Variants in APCDD1 observed in about 807,000 individuals in gnomAD.
APCDD1 encodes the protein APC down-regulated 1.
APCDD1 carries 15 observed loss-of-function variants against 38.1 expected under a neutral mutation model. That is an observed-to-expected ratio of 0.39 (90% CI 0.26 to 0.61). The LOEUF (loss-of-function observed/expected upper bound fraction) is 0.61. Among genes scored for constraint, APCDD1 ranks in the 20% least tolerant of loss-of-function variants. APCDD1 has a pLI of 0.49. For missense variants in APCDD1, 647 were observed against 696.2 expected (o/e 0.93, Z 0.79); for synonymous variants, 261 against 279.7 (o/e 0.93, Z 0.67).
intron 1 of APCDD1, among the ~76,000 whole-genome samples, chr18:10,460,197 T>G (rs969169202): frequency 6.6e-6 from 1 of 152,240 alleles, no homozygotes; most frequent in Non-Finnish European, 1.5e-5. Flanking sequence ...GTGGAATATA[T>G]TCATCTAGAT....
chr18:10,456,858 G>A (rs969257809), intron 1 of APCDD1, among the ~76,000 whole-genome samples: 1 of 152,224 alleles, frequency 6.6e-6, no homozygotes, highest in Non-Finnish European at 1.5e-5. Flanking sequence ...CATGGTGTTG[G>A]GAGGGGGATT....
At chr18:10,483,239 G>A (rs1032326075) in intron 3 of APCDD1, among the ~76,000 whole-genome samples, 10 of 152,204 alleles carry the variant, frequency 6.6e-5, no homozygotes, top group African/African-American at 2.4e-4. Flanking sequence ...TCATGCAGGA[G>A]CTCATCTCCA....
Position 10,466,747 on chromosome 18 carries a change from A to G in APCDD1, c.59-1722A>G, listed in dbSNP as rs557583077. On this transcript the variant is annotated intron_variant, in intron 1 of 4. Coordinates refer to ENST00000355285, the MANE Select transcript of APCDD1 (RefSeq NM_153000.5). ...CCTGGCTTAATAACCATGACCATGA[A>G]TAATAACAACACTAGGCAGAGTTTT... is the stretch of plus-strand genomic sequence containing the variant. 2.6e-5 allele frequency among the ~76,000 whole-genome samples: 4 copies of G among 152,358 alleles called. 1 individual carries two copies. Among genetic ancestry groups the G allele is most frequent in the African/African-American group, 9.6e-5 (4 of 41,590 alleles).
At chr18:10,480,669 C>T (rs1011919584) in intron 3 of APCDD1, among the ~76,000 whole-genome samples, 1 of 151,498 alleles carries the variant, frequency 6.6e-6, no homozygotes, top group Non-Finnish European at 1.5e-5. Flanking sequence ...TGAGACCAGC[C>T]TGGGCAACAT....
At chr18:10,465,598 A>T (rs1321255212) in intron 1 of APCDD1, among the ~76,000 whole-genome samples, 1 of 152,216 alleles carries the variant, frequency 6.6e-6, no homozygotes, top group Non-Finnish European at 1.5e-5. Context: ...ATGCCCAAAA[A>T]ATATAAGGCA....
Position 10,470,621 on chromosome 18 carries a change from T to C in APCDD1, c.243-909T>C, listed in dbSNP as rs76397009. Reference sequence around the variant, plus strand: ...TGAGAGCAGAGTGGGAAGGCCAGAATTGATGAGCTGAAAGTCATGGCGTAA... The same window carrying C: ...TGAGAGCAGAGTGGGAAGGCCAGAACTGATGAGCTGAAAGTCATGGCGTAA... On this transcript the variant is annotated intron_variant, in intron 2 of 4. Transcript: ENST00000355285. This position sits in a 1 kb window ranked among gnomAD's most constrained non-coding sequence, Gnocchi z 4.1. Among the ~76,000 whole-genome samples, 1,136 of 152,304 alleles carry C rather than the reference T, an allele frequency of 7.5e-3. 13 individuals carry two copies. Among genetic ancestry groups the C allele is most frequent in the African/African-American group, 0.026 (1,085 of 41,566 alleles).
Position 10,466,511 on chromosome 18 carries a change from G to T in APCDD1, c.59-1958G>T, listed in dbSNP as rs1299228453. 2.0e-5 allele frequency among the ~76,000 whole-genome samples: 3 copies of T among 152,204 alleles called. No homozygotes were observed. In the South Asian group the frequency reaches 6.2e-4, roughly 31 times the overall value. On this transcript the variant is annotated intron_variant, in intron 1 of 4. Coordinates refer to ENST00000355285, the MANE Select transcript of APCDD1 (RefSeq NM_153000.5). ...TAAAGGGACATGGTCCTCACCCCCTGGGGGAGCTGATCAAAATGCATGTGC... is the reference window on the plus strand; with the variant it reads ...TAAAGGGACATGGTCCTCACCCCCTTGGGGAGCTGATCAAAATGCATGTGC...
At position 10,476,759 on chromosome 18, in the gene APCDD1, T is replaced by C. The variant is rs147489914; in HGVS notation, c.774+4698T>C. On this transcript the variant is annotated intron_variant, in intron 3 of 4. Transcript: ENST00000355285. This position sits in a 1 kb window ranked among gnomAD's most constrained non-coding sequence, Gnocchi z 5.8. ...ATCTGAAATACTCGATCCCAGCACA[T>C]GTACAGCAGGGGAGCTACACACGGG... 259 of 152,280 alleles carry C rather than the reference T, an allele frequency of 1.7e-3. No homozygotes were observed. The highest frequency in any genetic ancestry group is 5.9e-3 in the African/African-American group (245 of 41,560). 9.4% of individuals were successfully genotyped at this position (152,280 alleles called of 1,614,324 possible).
At chr18:10,461,981 C>G (rs1458672255) in intron 1 of APCDD1, among the ~76,000 whole-genome samples, 1 of 152,158 alleles carries the variant, frequency 6.6e-6, no homozygotes. Context: ...ATTCCAATAC[C>G]TTTCTATCCA....
intron 3 of APCDD1, among the ~76,000 whole-genome samples, chr18:10,484,589 C>G (rs75200280): frequency 0.014 from 2,106 of 152,206 alleles, 50 homozygotes; most frequent in African/African-American, 0.046. Context: ...TTGTCCCCCC[C>G]TTCCAGCTCC....
At chr18:10,480,405 G>T (rs1432226634) in intron 3 of APCDD1, among the ~76,000 whole-genome samples, 1 of 152,212 alleles carries the variant, frequency 6.6e-6, no homozygotes, top group Non-Finnish European at 1.5e-5. Flanking sequence ...CTGTAGTTGT[G>T]CCTGTAGGTC....
chr18:10,484,244 G>C (rs539594425), intron 3 of APCDD1, among the ~76,000 whole-genome samples: 2 of 152,224 alleles, frequency 1.3e-5, no homozygotes, highest in African/African-American at 4.8e-5. Flanking sequence ...GGCAGTGTGC[G>C]CGTGTGCTTG....
rs1397641235 is a variant in APCDD1 at position 10,467,784 on chromosome 18, G to A, written c.59-685G>A. Among the ~76,000 whole-genome samples, 1 of 152,216 alleles carries A rather than the reference G, an allele frequency of 6.6e-6. No individual in the cohort carries two copies. The stretch of plus-strand genomic sequence containing the variant: ...CACCACGTCCCTATTGTAGGAGGGT[G>A]CAAGGTTCACACCACGTGGTGAGCA... On this transcript the variant is annotated intron_variant, in intron 1 of 4. Coordinates refer to ENST00000355285, the MANE Select transcript of APCDD1 (RefSeq NM_153000.5). The surrounding 1 kb of genome is among the most constrained non-coding windows in gnomAD (Gnocchi z 4.8).
At chr18:10,474,027 T>G (rs1273328888) in intron 3 of APCDD1, 1 of 150,832 alleles carries the variant, frequency 6.6e-6, no homozygotes, top group African/African-American at 2.5e-5. Context: ...CGGGTTCAAG[T>G]GATTCTCCTG....
At chr18:10,483,985 G>A (rs577128900) in intron 3 of APCDD1, among the ~76,000 whole-genome samples, 2 of 152,218 alleles carry the variant, frequency 1.3e-5, no homozygotes, top group Non-Finnish European at 1.5e-5. Context: ...CTGGCACTGT[G>A]TTCAAGCACC....
chr18:10,480,328 C>T (rs2031104915), intron 3 of APCDD1, among the ~76,000 whole-genome samples: 2 of 152,100 alleles, frequency 1.3e-5, no homozygotes, highest in Admixed American at 1.3e-4. Flanking sequence ...ATACTGTTTC[C>T]GAAAAACATC....
chr18:10,480,507 G>A (rs965739988), intron 3 of APCDD1, among the ~76,000 whole-genome samples: 2 of 152,068 alleles, frequency 1.3e-5, no homozygotes, highest in African/African-American at 2.4e-5. Context: ...CTTATTCAAC[G>A]GTAGCTAAAA....
In APCDD1 at chr18:10,487,944, T is replaced by C. The variant is rs768717719; in HGVS notation, c.1451T>C (p.Leu484Pro). 3.1e-6 allele frequency: 5 copies of C among 1,613,650 alleles called. No homozygotes were observed. The highest frequency in any genetic ancestry group is 1.3e-5 in the African/African-American group (1 of 75,036). Residue 484 changes from leucine (L) to proline (P), a missense_variant, in exon 5 of 5, where the codon CTG becomes CCG. Leu to Pro is a moderately conservative substitution (Grantham distance 98). Coordinates refer to ENST00000355285, the MANE Select transcript of APCDD1 (RefSeq NM_153000.5). ...CTCGCAGAAGACAGTGGAAGCAGCCTGTATGGCCGGGCCCCTGGGAGGCAC... is the reference window on the plus strand; with the variant it reads ...CTCGCAGAAGACAGTGGAAGCAGCCCGTATGGCCGGGCCCCTGGGAGGCAC... ...EDLAEDSGSS[L>P]YGRAPGRHTW...
chr18:10,484,274 T>C (rs1234410316), intron 3 of APCDD1, among the ~76,000 whole-genome samples: 1 of 152,190 alleles, frequency 6.6e-6, no homozygotes, highest in Non-Finnish European at 1.5e-5. Context: ...AGCTTCCAGC[T>C]CTCCCTTCTT....
Sources: allele counts gnomAD v4.1 joint callset (sites outside exome capture counted in the v4.1 genomes callset), GRCh38; gene constraint gnomAD v4.1.1; non-coding constraint Gnocchi (gnomAD v3.1); transcripts MANE v1.5; gene names NCBI Gene and HGNC (gene_info 2026-07-23, HGNC 2026-07-21).